PRKG1: variants seen among roughly 807,000 people sequenced by gnomAD.
The protein encoded by PRKG1 is protein kinase cGMP-dependent 1.
In PRKG1, 35 loss-of-function variants were observed where a neutral mutation model predicts 88.1. That is an observed-to-expected ratio of 0.40 (90% confidence interval 0.30 to 0.53). The LOEUF is 0.53. Ranked by LOEUF, PRKG1 falls within the 20% of genes least tolerant of loss-of-function variation. PRKG1 has a pLI of 0.59. For synonymous variants in PRKG1, 303 were observed against 292.5 expected, an observed-to-expected ratio of 1.04 and a Z score of -0.37; for missense variants, 540 against 839.8, an observed-to-expected ratio of 0.64 and a Z score of 4.41.
chr10:51,933,619 A>G (rs1842738889), intron 5 of PRKG1, among the ~76,000 whole-genome samples: 2 of 143,370 alleles, frequency 1.4e-5, no homozygotes, highest in South Asian at 4.2e-4. Flanking sequence ...ATTTTAGCCA[A>G]GTTTTTTTTT....
chr10:51,700,915 C>CA (rs1411950765), intron 3 of PRKG1, among the ~76,000 whole-genome samples: 3 of 151,670 alleles, frequency 2.0e-5, no homozygotes, highest in Admixed American at 1.3e-4. Context: ...AACACTAAGA[C>CA]AAAAAATAAA....
At chr10:51,283,039 A>G (rs886909053) in intron 2 of PRKG1, among the ~76,000 whole-genome samples, 1 of 152,020 alleles carries the variant, frequency 6.6e-6, no homozygotes, top group Non-Finnish European at 1.5e-5. Context: ...AAAAACCAAA[A>G]TCTTTTTACT....
intron 9 of PRKG1, among the ~76,000 whole-genome samples, chr10:52,191,274 C>T (rs939903205): frequency 1.3e-5 from 2 of 151,928 alleles, no homozygotes; most frequent in East Asian, 1.9e-4. Flanking sequence ...TCCCACCTGC[C>T]GAGTAGCTGG....
At chr10:52,130,068 A>G (rs891127282) in intron 7 of PRKG1, among the ~76,000 whole-genome samples, 3 of 152,138 alleles carry the variant, frequency 2.0e-5, no homozygotes, top group Non-Finnish European at 4.4e-5. Context: ...AACAAATGAT[A>G]TTTGTATGAA....
chr10:51,932,070 G>C (rs1459578322), intron 5 of PRKG1, among the ~76,000 whole-genome samples: 1 of 152,004 alleles, frequency 6.6e-6, no homozygotes, highest in African/African-American at 2.4e-5. Flanking sequence ...CATTAGGTAG[G>C]ATAATTTTTG....
intron 5 of PRKG1, chr10:51,910,480 T>C (rs1842192866): frequency 6.6e-6 from 1 of 152,152 alleles, no homozygotes; most frequent in South Asian, 2.1e-4. Context: ...AGAGGCAGAT[T>C]AAGAATTTTC....
At chr10:51,990,733 T>G (rs905789558) in intron 5 of PRKG1, among the ~76,000 whole-genome samples, 2 of 152,094 alleles carry the variant, frequency 1.3e-5, no homozygotes, top group African/African-American at 4.8e-5. Flanking sequence ...CTCTACCCTC[T>G]GAGAGGCTCC....
chr10:51,205,285 A>C (rs554883516), intron 2 of PRKG1, among the ~76,000 whole-genome samples: 1 of 149,052 alleles, frequency 6.7e-6, no homozygotes, highest in East Asian at 2.0e-4. Flanking sequence ...GACCACAGGC[A>C]CTGCCACCAT....
At chr10:51,797,560 TTATTA>T (rs1052710474) in intron 3 of PRKG1, among the ~76,000 whole-genome samples, 3 of 147,008 alleles carry the variant, frequency 2.0e-5, no homozygotes, top group Non-Finnish European at 3.0e-5. Context: ...ATATAATATT[TTATTA>T]TATTATTTTA....
chr10:51,367,182 G>A (rs1329275925), intron 2 of PRKG1, among the ~76,000 whole-genome samples: 1 of 151,972 alleles, frequency 6.6e-6, no homozygotes, highest in Admixed American at 6.6e-5. Context: ...TCAGCTCCAC[G>A]GATTTCAACA....
intron 2 of PRKG1, among the ~76,000 whole-genome samples, chr10:51,234,769 C>A (rs910120457): frequency 5.9e-5 from 9 of 151,634 alleles, no homozygotes; most frequent in Admixed American, 2.6e-4. Flanking sequence ...ACATTCAAGT[C>A]AACCAAAAGT....
Position 52,156,806 on chromosome 10 carries a change from C to T in PRKG1, c.1002-5083C>T, listed in dbSNP as rs118124520. ...CCTTGGGCTTAGCTAAGTAAAACGT[C>T]TCAACTACTTTGGAACACTAACTTT... On this transcript the variant is annotated intron_variant, in intron 8 of 17. Coordinates refer to ENST00000373980, the MANE Select transcript of PRKG1 (RefSeq NM_006258.4). 7.4e-3 allele frequency among the ~76,000 whole-genome samples: 1,117 copies of T among 151,828 alleles called. 6 individuals are homozygous for T. The highest frequency in any genetic ancestry group is 0.012 in the Non-Finnish European group (838 of 67,724).
At chr10:51,329,025 C>T (rs537504435) in intron 2 of PRKG1, among the ~76,000 whole-genome samples, 1 of 152,168 alleles carries the variant, frequency 6.6e-6, no homozygotes, top group African/African-American at 2.4e-5. Flanking sequence ...TAGATTGCCT[C>T]TTCACACTGT....
chr10:51,450,192 A>C (rs1030981148), intron 2 of PRKG1, among the ~76,000 whole-genome samples: 1 of 151,996 alleles, frequency 6.6e-6, no homozygotes, highest in Non-Finnish European at 1.5e-5. Flanking sequence ...TTCTTTATAA[A>C]AAGTTCTTCA....
At chr10:51,661,373 A>G (rs148810427) in intron 3 of PRKG1, among the ~76,000 whole-genome samples, 8 of 152,298 alleles carry the variant, frequency 5.3e-5, no homozygotes, top group African/African-American at 1.9e-4. Flanking sequence ...TTAAGAACTT[A>G]AACAAATTTA....
chr10:51,261,645 C>T (rs942670379), intron 2 of PRKG1, among the ~76,000 whole-genome samples: 17 of 152,228 alleles, frequency 1.1e-4, no homozygotes, highest in Middle Eastern at 3.4e-3. Flanking sequence ...ATCTTAAGAA[C>T]GCATTCTTTG....
At chr10:52,018,591 C>G (rs1047062800) in intron 5 of PRKG1, among the ~76,000 whole-genome samples, 2 of 152,148 alleles carry the variant, frequency 1.3e-5, no homozygotes, top group Non-Finnish European at 2.9e-5. Context: ...AACACAGGAT[C>G]TTTTCATTTT....
At chr10:52,220,763 C>T (rs1039894598) in intron 9 of PRKG1, among the ~76,000 whole-genome samples, 17 of 152,214 alleles carry the variant, frequency 1.1e-4, no homozygotes, top group Admixed American at 4.6e-4. Flanking sequence ...ATTTTTATGA[C>T]CGTATAGTAT....
intron 7 of PRKG1, among the ~76,000 whole-genome samples, chr10:52,063,064 C>T (rs1846274578): frequency 6.6e-6 from 1 of 152,210 alleles, no homozygotes; most frequent in Non-Finnish European, 1.5e-5. Context: ...AAACCTGTGG[C>T]TGGTGGGCGC....
Sources: allele counts gnomAD v4.1 joint callset (sites outside exome capture counted in the v4.1 genomes callset), GRCh38; gene constraint gnomAD v4.1.1; transcripts MANE v1.5; gene names NCBI Gene and HGNC (gene_info 2026-07-23, HGNC 2026-07-21).